The following ATP6V1H variants were observed in gnomAD, a reference collection of about 807,000 sequenced individuals.
ATP6V1H encodes ATPase H+ transporting V1 subunit H.
In ATP6V1H, 39 loss-of-function variants were observed where a neutral mutation model predicts 71.7. That is an observed-to-expected ratio of 0.54 (90% CI 0.42 to 0.71). The LOEUF is 0.71. Ranked by LOEUF, ATP6V1H falls within the 30% of genes least tolerant of loss-of-function variation. ATP6V1H has a pLI of 0.00. For synonymous variants in ATP6V1H, 192 were observed against 199.3 expected, an observed-to-expected ratio of 0.96 and a Z score of 0.31; for missense variants, 509 against 594.9, an observed-to-expected ratio of 0.86 and a Z score of 1.50.
At chr8:53,765,886 A>G (rs1808442660) in intron 11 of ATP6V1H, among the ~76,000 whole-genome samples, 1 of 152,222 alleles carries the variant, frequency 6.6e-6, no homozygotes, top group Non-Finnish European at 1.5e-5. Flanking sequence ...CAACTTCAAG[A>G]TTTACTATAA....
At chr8:53,817,613 C>T in intron 4 of ATP6V1H, 83 bp from the exon 5 acceptor site, 3 of 796,148 alleles carry the variant, frequency 3.8e-6, no homozygotes, top group Non-Finnish European at 6.1e-6. Context: ...TCTCAACCTC[C>T]CATCAGTCTG....
intron 13 of ATP6V1H, among the ~76,000 whole-genome samples, chr8:53,733,276 C>T (rs1192165225): frequency 2.0e-5 from 3 of 152,208 alleles, no homozygotes; most frequent in Non-Finnish European, 4.4e-5. Context: ...AAATTGTCTG[C>T]TTTCCAGTGG....
intron 7 of ATP6V1H, among the ~76,000 whole-genome samples, chr8:53,807,393 C>T (rs897321175): frequency 4.6e-5 from 7 of 151,722 alleles, no homozygotes; most frequent in Admixed American, 2.6e-4. Context: ...TGAGGTCAGG[C>T]GTTCGAGACC....
Position 53,743,379 on chromosome 8 carries a change from C to T in ATP6V1H, c.1391+198G>A, listed in dbSNP as rs543060618. On this transcript the variant is annotated intron_variant, in intron 13 of 13. Coordinates refer to ENST00000359530, the MANE Select transcript of ATP6V1H (RefSeq NM_015941.4). Reference sequence around the variant, plus strand: ...AAATTATTATTTTGAATATACACTCCTTGAGACCTTTAGTGCAGTCCGTCT... The same window carrying T: ...AAATTATTATTTTGAATATACACTCTTTGAGACCTTTAGTGCAGTCCGTCT... Among the ~76,000 whole-genome samples, 17 of 152,234 alleles carry T rather than the reference C, an allele frequency of 1.1e-4. No homozygotes were observed. The South Asian group carries it at 2.3e-3, about 20-fold the overall frequency.
chr8:53,722,354 T>C lies in ATP6V1H; in HGVS notation c.1392-6330A>G, dbSNP rs191182042. Reference sequence around the variant, plus strand: ...ATGCTGGTTCCTGATCAGCAAGTGGTTATAATCAAAAGCAGCCTGCACAAC... The same window carrying C: ...ATGCTGGTTCCTGATCAGCAAGTGGCTATAATCAAAAGCAGCCTGCACAAC... On this transcript the variant is annotated intron_variant, in intron 13 of 13. Coordinates refer to ENST00000359530, the MANE Select transcript of ATP6V1H (RefSeq NM_015941.4). Among the ~76,000 whole-genome samples the C allele has an allele frequency of 3.9e-5, 6 of 152,284 alleles. No individual in the cohort carries two copies. The East Asian group carries it at 1.2e-3, about 29-fold the overall frequency.
chr8:53,784,842 C>T (rs1809310667), intron 9 of ATP6V1H, among the ~76,000 whole-genome samples: 1 of 152,190 alleles, frequency 6.6e-6, no homozygotes, highest in Non-Finnish European at 1.5e-5. Flanking sequence ...AAATTCCTTT[C>T]TTTAAGAATG....
intron 1 of ATP6V1H, 84 bp from the exon 2 acceptor site, chr8:53,841,809 G>C (rs1441586743): frequency 2.4e-6 from 3 of 1,273,696 alleles, no homozygotes; most frequent in Admixed American, 5.6e-5. Context: ...TGAATATCGT[G>C]ATCACTTTAA....
chr8:53,823,095 A>C (rs2130500560), intron 4 of ATP6V1H, among the ~76,000 whole-genome samples: 1 of 152,278 alleles, frequency 6.6e-6, no homozygotes, highest in East Asian at 1.9e-4. Context: ...AGTAGACAAA[A>C]AGTAAAGGTA....
intron 13 of ATP6V1H, among the ~76,000 whole-genome samples, chr8:53,730,479 G>A (rs1414597978): frequency 1.3e-5 from 2 of 151,998 alleles, no homozygotes; most frequent in Admixed American, 6.6e-5. Context: ...TTAAAATATT[G>A]CAAAGTTTTT....
At chr8:53,757,934 A>G (rs1344970467) in intron 11 of ATP6V1H, among the ~76,000 whole-genome samples, 1 of 152,228 alleles carries the variant, frequency 6.6e-6, no homozygotes, top group African/African-American at 2.4e-5. Context: ...TGTATAAGTA[A>G]AGGTATATAA....
intron 2 of ATP6V1H, among the ~76,000 whole-genome samples, chr8:53,837,634 T>C (rs181505091): frequency 1.3e-5 from 2 of 152,186 alleles, no homozygotes; most frequent in Admixed American, 1.3e-4. Context: ...GAGCTGAGGT[T>C]TGCTATGTGA....
At chr8:53,759,741 G>A (rs1331921257) in intron 11 of ATP6V1H, among the ~76,000 whole-genome samples, 3 of 151,770 alleles carry the variant, frequency 2.0e-5, no homozygotes, top group South Asian at 2.1e-4. Flanking sequence ...CTATCTCCAC[G>A]GCTTCTTATA....
intron 11 of ATP6V1H, among the ~76,000 whole-genome samples, chr8:53,767,680 A>T (rs1368626538): frequency 6.6e-6 from 1 of 152,210 alleles, no homozygotes; most frequent in East Asian, 1.9e-4. Context: ...TAGTCAATTG[A>T]TTTTCCACAA....
At chr8:53,768,896 G>A (rs1353126971) in intron 11 of ATP6V1H, among the ~76,000 whole-genome samples, 7 of 151,874 alleles carry the variant, frequency 4.6e-5, no homozygotes, top group African/African-American at 1.2e-4. Context: ...TGAATTCTAC[G>A]GTTTAAACAG....
chr8:53,823,523 G>A (rs767403497), intron 4 of ATP6V1H, among the ~76,000 whole-genome samples: 12 of 152,140 alleles, frequency 7.9e-5, no homozygotes, highest in Non-Finnish European at 1.6e-4. Flanking sequence ...TTCTGCCCAG[G>A]CTGCAGTGCA....
intron 12 of ATP6V1H, among the ~76,000 whole-genome samples, chr8:53,754,913 C>T (rs796556374): frequency 6.6e-5 from 10 of 152,278 alleles, no homozygotes; most frequent in African/African-American, 1.9e-4. Flanking sequence ...GACATTTGTC[C>T]GTACCATGGA....
chr8:53,755,923 A>C (rs1808037708), intron 12 of ATP6V1H, among the ~76,000 whole-genome samples: 2 of 133,784 alleles, frequency 1.5e-5, no homozygotes, highest in African/African-American at 5.6e-5. Flanking sequence ...ACGCCCGGCT[A>C]ATTTTTTGTA....
intron 9 of ATP6V1H, among the ~76,000 whole-genome samples, chr8:53,776,101 G>A (rs1808877040): frequency 6.6e-6 from 1 of 152,208 alleles, no homozygotes; most frequent in African/African-American, 2.4e-5. Flanking sequence ...GGCTGGCACC[G>A]GTGGGGGACC....
At chr8:53,801,761 G>A in intron 8 of ATP6V1H, 38 bp downstream of exon 8, 1 of 1,499,506 alleles carries the variant, frequency 6.7e-7, no homozygotes, top group Non-Finnish European at 9.2e-7. Flanking sequence ...AGAGATGCTT[G>A]TAAATGTTAT....
Sources: gnomAD v4.1 joint callset for allele counts (sites outside exome capture counted in the v4.1 genomes callset) on GRCh38, gnomAD v4.1.1 for gene constraint, MANE v1.5 for transcripts, NCBI Gene and HGNC (gene_info 2026-07-23, HGNC 2026-07-21) for gene names.